The following ZFAND3 variants were observed in gnomAD, a reference collection of about 807,000 sequenced individuals.
The protein encoded by ZFAND3 is zinc finger AN1-type containing 3.
A neutral mutation model predicts 29.6 loss-of-function variants in ZFAND3; 10 were observed. The ratio of observed to expected loss-of-function variants is 0.34; its 90% CI spans 0.21 to 0.57. The LOEUF is 0.57. Among genes scored for constraint, ZFAND3 ranks in the 20% least tolerant of loss-of-function variants. The pLI is 0.86. For missense variants in ZFAND3, 230 were observed against 304.5 expected, an observed-to-expected ratio of 0.76 and a Z score of 1.82; for synonymous variants, 128 against 112.6, an observed-to-expected ratio of 1.14 and a Z score of -0.87.
chr6:37,907,545 C>T (rs570679390), intron 1 of ZFAND3, among the ~76,000 whole-genome samples: 1 of 152,168 alleles, frequency 6.6e-6, no homozygotes, highest in South Asian at 2.1e-4. Context: ...TCTGTGTTGT[C>T]GCATGTATCT....
chr6:37,852,514 T>TC (rs1201008986), intron 1 of ZFAND3, among the ~76,000 whole-genome samples: 2 of 152,160 alleles, frequency 1.3e-5, no homozygotes, highest in Admixed American at 1.3e-4. Flanking sequence ...TTGTGGTGTC[T>TC]CTATCACCTC....
chr6:38,151,836 T>C (rs140922423), intron 5 of ZFAND3, among the ~76,000 whole-genome samples: 118 of 152,136 alleles, frequency 7.8e-4, no homozygotes, highest in African/African-American at 2.6e-3. Context: ...CTCCTAGAAA[T>C]GGTGGGCATC....
chr6:38,079,217 T>C (rs1764611494), intron 3 of ZFAND3, among the ~76,000 whole-genome samples: 1 of 152,302 alleles, frequency 6.6e-6, no homozygotes, highest in Admixed American at 6.5e-5. Flanking sequence ...GCTCTCTGTT[T>C]ATAACATTGC....
At chr6:37,846,040 G>C (rs1204276995) in intron 1 of ZFAND3, among the ~76,000 whole-genome samples, 1 of 152,200 alleles carries the variant, frequency 6.6e-6, no homozygotes, top group East Asian at 1.9e-4. Context: ...CTGTGACCCA[G>C]GCCCTGATTA....
At chr6:38,086,024 TG>T (rs1474952944) in intron 4 of ZFAND3, among the ~76,000 whole-genome samples, 7 of 152,150 alleles carry the variant, frequency 4.6e-5, no homozygotes, top group Non-Finnish European at 8.8e-5. Context: ...ATTTTAGAGG[TG>T]GGCAGCAGTG....
At chr6:38,142,791 G>A (rs998492178) in intron 5 of ZFAND3, among the ~76,000 whole-genome samples, 2 of 152,188 alleles carry the variant, frequency 1.3e-5, no homozygotes, top group Non-Finnish European at 2.9e-5. Context: ...AATGCCATCT[G>A]CTTTCAGCTA....
At chr6:37,946,750 A>G (rs556724145) in intron 2 of ZFAND3, among the ~76,000 whole-genome samples, 1 of 152,306 alleles carries the variant, frequency 6.6e-6, no homozygotes, top group Non-Finnish European at 1.5e-5. Context: ...GAACCTTGAC[A>G]ACATTATGCT....
intron 2 of ZFAND3, among the ~76,000 whole-genome samples, chr6:37,982,725 C>T (rs1762600713): frequency 6.6e-6 from 1 of 152,112 alleles, no homozygotes; most frequent in Admixed American, 6.5e-5. Flanking sequence ...GCTATCTATC[C>T]TTAGAGTATG....
chr6:38,001,026 A>C (rs1248140657), intron 2 of ZFAND3, among the ~76,000 whole-genome samples: 1 of 152,200 alleles, frequency 6.6e-6, no homozygotes, highest in African/African-American at 2.4e-5. Flanking sequence ...TAAAGCTCAG[A>C]GTTCGCTCTA....
rs556169655 is a variant in ZFAND3 at position 37,967,914 on chromosome 6, T to C, written c.112+37915T>C. On this transcript the variant is annotated intron_variant, in intron 2 of 5. Transcript: ENST00000287218. ...CATGTGGGCTCTCAAGTAAATTTACTTGATGATTTTATTTTACTAACATAA... is the reference window on the plus strand; with the variant it reads ...CATGTGGGCTCTCAAGTAAATTTACCTGATGATTTTATTTTACTAACATAA... Among the ~76,000 whole-genome samples the C allele has an allele frequency of 5.3e-5, 8 of 152,344 alleles. No individual in the cohort carries two copies. The East Asian group carries it at 1.5e-3, about 29-fold the overall frequency.
At chr6:38,116,399 C>T (rs1025648239) in intron 4 of ZFAND3, among the ~76,000 whole-genome samples, 173 bp from the exon 5 acceptor site, 2 of 152,206 alleles carry the variant, frequency 1.3e-5, no homozygotes, top group Non-Finnish European at 2.9e-5. Flanking sequence ...TAAAGGTACA[C>T]GTTTGTCATA....
intron 4 of ZFAND3, among the ~76,000 whole-genome samples, chr6:38,113,175 C>T (rs1765352982): frequency 6.6e-6 from 1 of 152,188 alleles, no homozygotes; most frequent in Non-Finnish European, 1.5e-5. Flanking sequence ...ATAACACATT[C>T]TGTTAGACAT....
At chr6:38,138,543 G>T (rs1765887014) in intron 5 of ZFAND3, among the ~76,000 whole-genome samples, 1 of 152,310 alleles carries the variant, frequency 6.6e-6, no homozygotes, top group East Asian at 1.9e-4. Context: ...CGGCCTCACC[G>T]CATTCCAGCC....
At position 38,152,475 on chromosome 6, in the gene ZFAND3, C is replaced by T; in HGVS notation, c.*86C>T. On this transcript the variant is annotated 3_prime_UTR_variant, in exon 6 of 6. Coordinates refer to ENST00000287218, the MANE Select transcript of ZFAND3 (RefSeq NM_021943.3). ...GACAAAGTCAGCCAGACACCTTGTA[C>T]TGGGCACGCGTCAGACTGCAGCCAG... 1.4e-6 allele frequency: 2 copies of T among 1,451,416 alleles called. No homozygotes were observed. Among genetic ancestry groups the T allele is most frequent in the Non-Finnish European group, 1.8e-6 (2 of 1,103,668 alleles). The allele number at this position is 1,451,416 out of a possible 1,614,324, so 89.9% of individuals were successfully genotyped here. A position where few individuals can be genotyped will look rare whatever the true frequency, so the allele number is the denominator to read the frequency against.
At chr6:37,907,291 T>A (rs916573066) in intron 1 of ZFAND3, among the ~76,000 whole-genome samples, 2 of 152,292 alleles carry the variant, frequency 1.3e-5, no homozygotes, top group Middle Eastern at 3.4e-3. Context: ...CGTAGTTCAG[T>A]GATTTTTAGT....
chr6:37,965,432 A>G (rs1052865858), intron 2 of ZFAND3, among the ~76,000 whole-genome samples: 2 of 152,146 alleles, frequency 1.3e-5, no homozygotes, highest in Non-Finnish European at 2.9e-5. Context: ...AACCATTTCT[A>G]TAAGGTTAAT....
rs1022412915 is a variant in ZFAND3, at chr6:37,819,837, C to G, written c.-109C>G. ...GCCCGCGCGCCCGCTCCTTCCCCCTCCCCCCGCCCCGAGCCCCCCGACGCC... is the reference window on the plus strand; with the variant it reads ...GCCCGCGCGCCCGCTCCTTCCCCCTGCCCCCGCCCCGAGCCCCCCGACGCC... On this transcript the variant is annotated 5_prime_UTR_variant, in exon 1 of 6. Coordinates refer to ENST00000287218, the MANE Select transcript of ZFAND3 (RefSeq NM_021943.3). The G allele has an allele frequency of 2.8e-5, 12 of 423,876 alleles. No homozygotes were observed. The highest frequency in any genetic ancestry group is 5.6e-5 in the Admixed American group (1 of 17,834). The allele number at this position is 423,876 out of a possible 1,614,324, so 26.3% of individuals were successfully genotyped here. A position where few individuals can be genotyped will look rare whatever the true frequency, so the allele number is the denominator to read the frequency against.
At chr6:38,012,899 C>CT (rs1298449970) in intron 2 of ZFAND3, among the ~76,000 whole-genome samples, 5 of 152,006 alleles carry the variant, frequency 3.3e-5, no homozygotes, top group Non-Finnish European at 7.4e-5. Flanking sequence ...ATACAAAATT[C>CT]TTTTTTGTAT....
At chr6:38,048,388 G>A (rs575927155) in intron 2 of ZFAND3, among the ~76,000 whole-genome samples, 7 of 151,666 alleles carry the variant, frequency 4.6e-5, no homozygotes, top group Non-Finnish European at 8.8e-5. Context: ...TTGGGAGGCC[G>A]AGCCGGGCAG....
Sources: allele counts gnomAD v4.1 joint callset (sites outside exome capture counted in the v4.1 genomes callset), GRCh38; gene constraint gnomAD v4.1.1; transcripts MANE v1.5; gene names NCBI Gene and HGNC (gene_info 2026-07-23, HGNC 2026-07-21).